Variants in SEPTIN9 observed in about 807,000 individuals in gnomAD.
SEPTIN9 encodes septin 9.
SEPTIN9 carries 13 observed loss-of-function variants against 56.6 expected under a neutral mutation model. That is an observed-to-expected ratio of 0.23 (90% CI 0.15 to 0.37). The LOEUF (loss-of-function observed/expected upper bound fraction) is 0.37. Among genes scored for constraint, SEPTIN9 ranks in the 10% least tolerant of loss-of-function variants. The pLI is 1.00. For synonymous variants in SEPTIN9, 332 were observed against 334.1 expected, an observed-to-expected ratio of 0.99 and a Z score of 0.07; for missense variants, 650 against 823.1, an observed-to-expected ratio of 0.79 and a Z score of 2.57.
chr17:77,476,686 C>A lies in SEPTIN9; in HGVS notation c.722-5458C>A, dbSNP rs1041141315. Among the ~76,000 whole-genome samples, 13 of 152,198 alleles carry A rather than the reference C, an allele frequency of 8.5e-5. No individual in the cohort carries two copies. The highest frequency in any genetic ancestry group is 1.6e-4 in the Non-Finnish European group (11 of 68,024). On this transcript the variant is annotated intron_variant, in intron 3 of 11. Coordinates refer to ENST00000427177, the MANE Select transcript of SEPTIN9 (RefSeq NM_001113491.2). This position sits in a 1 kb window ranked among gnomAD's most constrained non-coding sequence, Gnocchi z 6.0. ...ATGGCAGAGGGGCCCTGGCATAAGGCCTGGGTTCAGAATGGGAACCTGCAG... is the reference window on the plus strand; with the variant it reads ...ATGGCAGAGGGGCCCTGGCATAAGGACTGGGTTCAGAATGGGAACCTGCAG...
chr17:77,321,252 A>G (rs968461608), intron 2 of SEPTIN9, among the ~76,000 whole-genome samples: 3 of 151,180 alleles, frequency 2.0e-5, no homozygotes, highest in African/African-American at 7.3e-5. Context: ...AAGAGTGTCA[A>G]CCCCTACGTG....
intron 2 of SEPTIN9, among the ~76,000 whole-genome samples, chr17:77,366,590 A>G (rs1327684250): frequency 6.6e-6 from 1 of 152,184 alleles, no homozygotes; most frequent in Non-Finnish European, 1.5e-5. Context: ...CCAGTCCTTC[A>G]GTCCTTCTGT....
intron 3 of SEPTIN9, among the ~76,000 whole-genome samples, chr17:77,463,838 A>C (rs2038589495): frequency 6.6e-6 from 1 of 152,062 alleles, no homozygotes; most frequent in Non-Finnish European, 1.5e-5. Context: ...GCAAGATTCC[A>C]TCTCAAAAAA....
intron 2 of SEPTIN9, 59 bp downstream of exon 2, chr17:77,307,256 C>T (rs1205577131): frequency 6.7e-7 from 1 of 1,489,992 alleles, no homozygotes; most frequent in Non-Finnish European, 9.3e-7. Flanking sequence ...GTGCTGGGGT[C>T]CCTTCATTCT....
intron 2 of SEPTIN9, among the ~76,000 whole-genome samples, chr17:77,359,102 G>A (rs2034340553): frequency 6.6e-6 from 1 of 152,206 alleles, no homozygotes; most frequent in African/African-American, 2.4e-5. Flanking sequence ...TTATTTTTAA[G>A]GGCATGACCT....
intron 2 of SEPTIN9, among the ~76,000 whole-genome samples, chr17:77,368,372 C>T (rs1045118618): frequency 4.0e-5 from 6 of 150,290 alleles, no homozygotes; most frequent in Non-Finnish European, 8.8e-5. Context: ...AGTGCACTGG[C>T]GTGATCTTGG....
intron 2 of SEPTIN9, among the ~76,000 whole-genome samples, chr17:77,391,954 A>G (rs1306673991): frequency 1.3e-5 from 2 of 152,176 alleles, no homozygotes; most frequent in African/African-American, 4.8e-5. Flanking sequence ...TTTGTGTTCC[A>G]TCTTACAGGG....
intron 2 of SEPTIN9, among the ~76,000 whole-genome samples, chr17:77,364,789 C>A (rs2034523792): frequency 6.6e-6 from 1 of 152,252 alleles, no homozygotes; most frequent in Non-Finnish European, 1.5e-5. Context: ...ACCCAGAAGT[C>A]CTGGGGCTGC....
chr17:77,286,911 C>T (rs745782247), intron 1 of SEPTIN9, among the ~76,000 whole-genome samples: 29 of 152,290 alleles, frequency 1.9e-4, no homozygotes, highest in Middle Eastern at 3.4e-3. Flanking sequence ...CGGGAAGTGA[C>T]GCGCTGGGTT....
Position 77,326,830 on chromosome 17 carries a change from G to T in SEPTIN9, c.76+19633G>T, listed in dbSNP as rs2033158744. On this transcript the variant is annotated intron_variant, in intron 2 of 11. Transcript: ENST00000427177. This position sits in a 1 kb window ranked among gnomAD's most constrained non-coding sequence, Gnocchi z 5.1. ...CTGAAGGTTAAGCAGATCATCAGCG[G>T]CCAATGATTGAATCAATCATGCCTT... is the stretch of plus-strand genomic sequence containing the variant. 6.6e-6 allele frequency among the ~76,000 whole-genome samples: 1 copy of T among 152,078 alleles called. No homozygotes were observed. The highest frequency in any genetic ancestry group is 1.5e-5 in the Non-Finnish European group (1 of 68,024).
chr17:77,293,869 C>T (rs1371912250), intron 1 of SEPTIN9, among the ~76,000 whole-genome samples: 5 of 151,714 alleles, frequency 3.3e-5, no homozygotes, highest in Admixed American at 1.3e-4. Context: ...TTTGGGAGGC[C>T]AAGGCAGGTG....
intron 1 of SEPTIN9, among the ~76,000 whole-genome samples, chr17:77,303,636 G>T (rs1015620335): frequency 6.6e-6 from 1 of 151,792 alleles, no homozygotes; most frequent in African/African-American, 2.4e-5. Flanking sequence ...AACTGAGATC[G>T]TGCCACTGCA....
chr17:77,419,025 T>G (rs2036602034), intron 3 of SEPTIN9, among the ~76,000 whole-genome samples: 3 of 152,198 alleles, frequency 2.0e-5, no homozygotes, highest in African/African-American at 7.2e-5. Flanking sequence ...GCCTGAAGCC[T>G]TAGGCACCCT....
At chr17:77,482,565 A>G in intron 4 of SEPTIN9, 1 of 695,870 alleles carries the variant, frequency 1.4e-6, no homozygotes, top group Middle Eastern at 2.3e-4. Flanking sequence ...AGGGCCCCTG[A>G]GATGACTTTG....
At position 77,369,908 on chromosome 17, in the gene SEPTIN9, C is replaced by T. The variant is rs920191690; in HGVS notation, c.77-32151C>T. Among the ~76,000 whole-genome samples, 3 of 152,190 alleles carry T rather than the reference C, an allele frequency of 2.0e-5. No individual in the cohort carries two copies. Among genetic ancestry groups the T allele is most frequent in the Non-Finnish European group, 2.9e-5 (2 of 68,032 alleles). Reference sequence around the variant, plus strand: ...CCACGCTTTGTAAGCTTCATTTCCCCGGGGCCTGACCTGTGGGGTTTCTCT... The same window carrying T: ...CCACGCTTTGTAAGCTTCATTTCCCTGGGGCCTGACCTGTGGGGTTTCTCT... On this transcript the variant is annotated intron_variant, in intron 2 of 11. Transcript: ENST00000427177. This position sits in a 1 kb window ranked among gnomAD's most constrained non-coding sequence, Gnocchi z 4.9.
At chr17:77,466,357 T>C (rs956530217) in intron 3 of SEPTIN9, 2 of 982,994 alleles carry the variant, frequency 2.0e-6, no homozygotes, top group Non-Finnish European at 2.4e-6. Flanking sequence ...CTCCCAGCCT[T>C]GGGAGAAATT....
At chr17:77,481,187 G>A (rs370662896) in intron 3 of SEPTIN9, among the ~76,000 whole-genome samples, 34 of 152,318 alleles carry the variant, frequency 2.2e-4, no homozygotes, top group African/African-American at 4.3e-4. Flanking sequence ...CCTCTGACCC[G>A]TGTGTGGTGT....
chr17:77,299,756 A>G lies in SEPTIN9; in HGVS notation c.20-7385A>G, dbSNP rs140821690. 1.1e-3 allele frequency among the ~76,000 whole-genome samples: 169 copies of G among 152,350 alleles called. 1 individual carries two copies. Among genetic ancestry groups the G allele is most frequent in the Non-Finnish European group, 1.8e-3 (124 of 68,030 alleles). ...TGAGCAGGGCCATCTGGCAAGGTGGACGCCTGCTGCCCATGCAGGCAGAGC... is the reference window on the plus strand; with the variant it reads ...TGAGCAGGGCCATCTGGCAAGGTGGGCGCCTGCTGCCCATGCAGGCAGAGC... On this transcript the variant is annotated intron_variant, in intron 1 of 11. Transcript: ENST00000427177.
intron 3 of SEPTIN9, among the ~76,000 whole-genome samples, chr17:77,439,040 T>C (rs2037451967): frequency 6.6e-6 from 1 of 152,130 alleles, no homozygotes; most frequent in Non-Finnish European, 1.5e-5. Flanking sequence ...GTTTTAACAC[T>C]TAGAATTCTG....
Sources: allele counts gnomAD v4.1 joint callset (sites outside exome capture counted in the v4.1 genomes callset), GRCh38; gene constraint gnomAD v4.1.1; non-coding constraint Gnocchi (gnomAD v3.1); transcripts MANE v1.5; gene names NCBI Gene and HGNC (gene_info 2026-07-23, HGNC 2026-07-21).